Variants in TBC1D8B observed in about 807,000 individuals in gnomAD.
The protein encoded by TBC1D8B is TBC1 domain family member 8B, also known as RP11-321G1.1.
In TBC1D8B, 75 loss-of-function variants were observed where a neutral mutation model predicts 82.9. That is an observed-to-expected ratio of 0.90 (90% CI 0.75 to 1.10). The LOEUF is 1.10. TBC1D8B is among the 50% of genes least tolerant of loss of function. The pLI is 0.00. For synonymous variants in TBC1D8B, 276 were observed against 276.8 expected (o/e 1.00, Z 0.03); for missense variants, 794 against 796.9 (o/e 1.00, Z 0.04).
intron 14 of TBC1D8B, among the ~76,000 whole-genome samples, chrX:106,859,086 A>G (rs1398423442): frequency 3.6e-5 from 4 of 112,065 alleles, no homozygotes; most frequent in African/African-American, 1.3e-4. Context: ...TTGTACCTGT[A>G]CCATGCTGTT....
chrX:106,866,889 G>T (rs773626243), intron 17 of TBC1D8B, 27 bp downstream of exon 17: 12 of 1,046,868 alleles, frequency 1.1e-5, no homozygotes. Flanking sequence ...CTTTAACGAT[G>T]TACAGCAGGA....
chrX:106,822,011 C>A lies in TBC1D8B; in HGVS notation c.395C>A (p.Ala132Glu), dbSNP rs1931706202. The change falls in exon 4 of 21, where the codon GCA becomes GAA. Residue 132 changes from alanine (A) to glutamate (E), a missense_variant. By Grantham distance (107) the Ala-to-Glu change is moderately radical (BLOSUM62 -1). Coordinates refer to ENST00000357242, the MANE Select transcript of TBC1D8B (RefSeq NM_017752.3). ...LIAEEGKHCFAKEDDPEKFRE... is the reference protein window; with the variant it reads ...LIAEEGKHCFEKEDDPEKFRE... ...GCTGAAGAGGGAAAACATTGTTTTG[C>A]AAAAGAAGATGATCCTGAGAAATTT... 1.7e-6 allele frequency: 2 copies of A among 1,209,801 alleles called. No individual in the cohort carries two copies. The highest frequency in any genetic ancestry group is 3.5e-5 in the African/African-American group (2 of 57,627).
chrX:106,862,910 G>C (rs1932788795), intron 14 of TBC1D8B, among the ~76,000 whole-genome samples: 2 of 106,456 alleles, frequency 1.9e-5, no homozygotes, highest in Admixed American at 2.0e-4. Context: ...CTCCTGAGAT[G>C]AGTGTGCTAC....
chrX:106,817,537 G>C (rs1203746005), intron 1 of TBC1D8B, among the ~76,000 whole-genome samples: 1 of 111,156 alleles, frequency 9.0e-6, no homozygotes, highest in Non-Finnish European at 1.9e-5. Context: ...ATTATCTTCG[G>C]GCTATATGTA....
At chrX:106,841,892 C>A (rs1932315820) in intron 10 of TBC1D8B, among the ~76,000 whole-genome samples, 2 of 111,278 alleles carry the variant, frequency 1.8e-5, no homozygotes, top group Admixed American at 1.9e-4. Flanking sequence ...TTGAAAGGGG[C>A]AAATATCACT....
At chrX:106,824,666 A>G (rs1931787365) in intron 5 of TBC1D8B, among the ~76,000 whole-genome samples, 1 of 111,610 alleles carries the variant, frequency 9.0e-6, no homozygotes, top group Non-Finnish European at 1.9e-5. Context: ...CTAAAAGGCT[A>G]TCAATGAGTT....
intron 14 of TBC1D8B, among the ~76,000 whole-genome samples, chrX:106,863,950 C>T (rs766392960): frequency 3.5e-4 from 39 of 111,475 alleles, no homozygotes; most frequent in African/African-American, 1.3e-3. Flanking sequence ...AGCCTCTGGC[C>T]GATTTCAGGC....
chrX:106,865,938 C>G lies in TBC1D8B; in HGVS notation c.2567C>G (p.Ser856Cys). Residue 856 changes from serine (S) to cysteine (C), a missense_variant, in exon 16 of 21, where the codon TCT (serine) becomes TGT (cysteine). By Grantham distance (112) the Ser-to-Cys change is moderately radical (BLOSUM62 -1). Coordinates refer to ENST00000357242, the MANE Select transcript of TBC1D8B (RefSeq NM_017752.3). ...CACTTGTTGAGTCCCTGGGCTCATT[C>G]TGCAAATAAAGACTCACTAGCTTTA... Reference protein sequence around the residue: ...LYHLLSPWAHSANKDSLALWT... With the variant: ...LYHLLSPWAHCANKDSLALWT... 1.7e-6 allele frequency: 2 copies of G among 1,210,122 alleles called. No homozygotes were observed. The highest frequency in any genetic ancestry group is 2.2e-6 in the Non-Finnish European group (2 of 894,601).
At chrX:106,869,803 C>A (rs1009245956) in intron 19 of TBC1D8B, among the ~76,000 whole-genome samples, 1 of 111,645 alleles carries the variant, frequency 9.0e-6, no homozygotes, top group Non-Finnish European at 1.9e-5. Context: ...CAACCCTACC[C>A]GAAAACATTT....
At chrX:106,820,819 G>T in intron 2 of TBC1D8B, 58 bp from the exon 3 acceptor site, 1 of 750,726 alleles carries the variant, frequency 1.3e-6, no homozygotes, top group South Asian at 2.5e-5. Flanking sequence ...TAAATAACAA[G>T]AGCAGTTTTA....
In TBC1D8B at chrX:106,853,670, A is replaced by G. The variant is rs1325889077; in HGVS notation, c.2253+20A>G. The G allele has an allele frequency of 1.7e-6, 2 of 1,178,465 alleles. No individual in the cohort carries two copies. Among genetic ancestry groups the G allele is most frequent in the Admixed American group, 4.4e-5 (2 of 45,783 alleles). On this transcript the variant is annotated intron_variant, in intron 13 of 20. Transcript: ENST00000357242. ...AATGAGGTAAGTTTTTTCATGCCAT[A>G]AATATATTAGCTAGCATATTTAAAA...
chrX:106,812,015 G>C (rs767934642), intron 1 of TBC1D8B, among the ~76,000 whole-genome samples: 1 of 111,582 alleles, frequency 9.0e-6, no homozygotes, highest in Non-Finnish European at 1.9e-5. Flanking sequence ...TATATATTCA[G>C]TTTTCAAGTA....
chrX:106,828,206 T>A (rs1275425886), intron 7 of TBC1D8B: 2 of 112,756 alleles, frequency 1.8e-5, no homozygotes, highest in Admixed American at 1.9e-4. Context: ...ATGGATAAAT[T>A]CCTCGACACA....
intron 1 of TBC1D8B, among the ~76,000 whole-genome samples, chrX:106,816,488 G>C (rs1290981973): frequency 9.0e-6 from 1 of 110,850 alleles, no homozygotes; most frequent in East Asian, 2.8e-4. Flanking sequence ...AAACCCATCA[G>C]TAATTCCCTC....
intron 7 of TBC1D8B, among the ~76,000 whole-genome samples, chrX:106,834,664 A>G (rs917151003): frequency 8.9e-6 from 1 of 112,148 alleles, no homozygotes; most frequent in African/African-American, 3.2e-5. Flanking sequence ...CCTAGAGACA[A>G]TGGGGGTACA....
Position 106,865,974 on chromosome X carries a change from G to T in TBC1D8B, c.2603G>T (p.Arg868Ile), listed in dbSNP as rs140393232. Residue 868 changes from arginine (R) to isoleucine (I), a missense_variant, in exon 16 of 21, where the codon AGA (arginine) becomes ATA (isoleucine). Coordinates refer to ENST00000357242, the MANE Select transcript of TBC1D8B (RefSeq NM_017752.3). ...NKDSLALWTFRLLDENSDCLI... is the reference protein window; with the variant it reads ...NKDSLALWTFILLDENSDCLI... ...GACTCACTAGCTTTATGGACATTCA[G>T]ATTGTTAGATGAAAACTCTGATTGC... 31 of 1,205,971 alleles carry T rather than the reference G, an allele frequency of 2.6e-5. No individual in the cohort carries two copies. The highest frequency in any genetic ancestry group is 3.2e-5 in the Non-Finnish European group (29 of 893,164).
At chrX:106,868,341 C>A in intron 17 of TBC1D8B, 52 bp from the exon 18 acceptor site, 2 of 867,673 alleles carry the variant, frequency 2.3e-6, no homozygotes, top group Admixed American at 4.2e-5. Context: ...TGAACCTCAT[C>A]TCTGCCCCTG....
At chrX:106,842,621 ATCT>A (rs1932338508) in intron 10 of TBC1D8B, among the ~76,000 whole-genome samples, 1 of 96,063 alleles carries the variant, frequency 1.0e-5, no homozygotes, top group Non-Finnish European at 1.9e-5. Context: ...CTATCTATCT[ATCT>A]ATCTATCTAT....
intron 10 of TBC1D8B, among the ~76,000 whole-genome samples, chrX:106,846,269 T>C (rs1333303646): frequency 5.7e-5 from 6 of 106,153 alleles, no homozygotes; most frequent in Non-Finnish European, 1.2e-4. Flanking sequence ...CCCTGCTATT[T>C]TTTCTTTATT....
Sources: gnomAD v4.1 joint callset for allele counts (sites outside exome capture counted in the v4.1 genomes callset) on GRCh38, gnomAD v4.1.1 for gene constraint, MANE v1.5 for transcripts, NCBI Gene and HGNC (gene_info 2026-07-23, HGNC 2026-07-21) for gene names.